The following ZNF385D variants were observed in gnomAD, a reference collection of about 807,000 sequenced individuals.
ZNF385D encodes zinc finger protein 385D, also known as zinc finger protein 659.
Under a neutral mutation model 35.8 loss-of-function variants are expected in ZNF385D, and 15 were observed. The observed-to-expected ratio is 0.42, with a 90% CI of 0.28 to 0.64. The LOEUF (loss-of-function observed/expected upper bound fraction) is 0.64, where lower values mean the gene tolerates loss of function less well. Ranked by LOEUF, ZNF385D falls within the 30% of genes least tolerant of loss-of-function variation. The pLI is 0.23. For synonymous variants in ZNF385D, 212 were observed against 186.8 expected, an observed-to-expected ratio of 1.13 and a Z score of -1.10; for missense variants, 474 against 494.6, an observed-to-expected ratio of 0.96 and a Z score of 0.39.
chr3:22,211,103 C>G (rs17011013), intron 2 of ZNF385D, among the ~76,000 whole-genome samples: 19,532 of 151,788 alleles, frequency 0.13, 1,327 homozygotes, highest in Middle Eastern at 0.18. Context: ...AGCTGAAGAA[C>G]TGATTTAAGT....
At chr3:22,003,142 G>T (rs929317480) in intron 3 of ZNF385D, among the ~76,000 whole-genome samples, 2 of 152,066 alleles carry the variant, frequency 1.3e-5, no homozygotes, top group Non-Finnish European at 2.9e-5. Flanking sequence ...GTCCTTCTTC[G>T]CAGATGACAT....
intron 2 of ZNF385D, among the ~76,000 whole-genome samples, chr3:22,274,673 A>G (rs932044626): frequency 6.6e-6 from 1 of 151,990 alleles, no homozygotes; most frequent in African/African-American, 2.4e-5. Context: ...AATTTTTTAA[A>G]AAAAAGAAGT....
At chr3:22,190,533 G>A (rs950666993) in intron 2 of ZNF385D, among the ~76,000 whole-genome samples, 3 of 152,144 alleles carry the variant, frequency 2.0e-5, no homozygotes, top group Non-Finnish European at 2.9e-5. Flanking sequence ...GCAGCCACAA[G>A]TTCATAAAGT....
intron 3 of ZNF385D, among the ~76,000 whole-genome samples, chr3:21,526,639 TAAC>T (rs1200208711): frequency 1.3e-5 from 2 of 152,174 alleles, no homozygotes; most frequent in Non-Finnish European, 2.9e-5. Context: ...GCTGCTGCTA[TAAC>T]AGATAGGAGG....
At chr3:21,805,162 G>C (rs1025978914) in intron 3 of ZNF385D, among the ~76,000 whole-genome samples, 2 of 152,166 alleles carry the variant, frequency 1.3e-5, no homozygotes, top group African/African-American at 4.8e-5. Context: ...TGAGAAAACA[G>C]TACTAGATGC....
In ZNF385D at chr3:21,680,037, C is replaced by T. The variant is rs181606082; in HGVS notation, c.23-15009G>A. 6.6e-5 allele frequency among the ~76,000 whole-genome samples: 10 copies of T among 152,084 alleles called. No homozygotes were observed. In the East Asian group the frequency reaches 7.7e-4, roughly 12 times the overall value. On this transcript the variant is annotated intron_variant, in intron 1 of 7. Coordinates refer to ENST00000281523, the MANE Select transcript of ZNF385D (RefSeq NM_024697.3). ...ATGATAGCTGACTTGGAATCTGGGA[C>T]GTAAATATTTAATATTATTTATGGT...
chr3:21,682,259 A>G (rs747618881), intron 1 of ZNF385D, among the ~76,000 whole-genome samples: 1 of 136,044 alleles, frequency 7.4e-6, no homozygotes, highest in Non-Finnish European at 1.7e-5. Context: ...TTGGCTAAGT[A>G]TGTTGAAAAT....
chr3:22,066,823 A>T (rs1246460113), intron 3 of ZNF385D, among the ~76,000 whole-genome samples: 1 of 152,146 alleles, frequency 6.6e-6, no homozygotes, highest in Non-Finnish European at 1.5e-5. Flanking sequence ...GCCACATGAA[A>T]AAGAAATTGA....
chr3:21,497,106 A>G (rs1019280257), intron 4 of ZNF385D, among the ~76,000 whole-genome samples: 4 of 152,182 alleles, frequency 2.6e-5, no homozygotes, highest in African/African-American at 9.7e-5. Flanking sequence ...GAAGAATTCA[A>G]ACTATCCCTA....
At chr3:21,555,532 A>C (rs553822261) in intron 3 of ZNF385D, among the ~76,000 whole-genome samples, 17 of 147,376 alleles carry the variant, frequency 1.2e-4, no homozygotes, top group African/African-American at 3.1e-4. Context: ...GTCCCTGCAA[A>C]GGACATGAAT....
At chr3:22,321,434 C>T (rs929850923) in intron 2 of ZNF385D, among the ~76,000 whole-genome samples, 1 of 151,914 alleles carries the variant, frequency 6.6e-6, no homozygotes, top group Non-Finnish European at 1.5e-5. Context: ...GGCGTGATCT[C>T]GGCTCACTGC....
chr3:21,854,307 A>T (rs1696584596), intron 3 of ZNF385D, among the ~76,000 whole-genome samples: 1 of 151,922 alleles, frequency 6.6e-6, no homozygotes, highest in South Asian at 2.1e-4. Flanking sequence ...ACCTCCACTT[A>T]TTTACATCCT....
intron 3 of ZNF385D, among the ~76,000 whole-genome samples, chr3:22,073,043 A>G (rs372794426): frequency 6.6e-6 from 1 of 151,942 alleles, no homozygotes; most frequent in Non-Finnish European, 1.5e-5. Flanking sequence ...AAACACCTCA[A>G]GTCACCATTA....
At chr3:22,010,923 C>T (rs145909915) in intron 3 of ZNF385D, among the ~76,000 whole-genome samples, 3 of 152,184 alleles carry the variant, frequency 2.0e-5, no homozygotes, top group Admixed American at 2.0e-4. Context: ...ACCACTCACC[C>T]TCATTGAAAA....
At chr3:22,225,733 TG>T (rs1467696199) in intron 2 of ZNF385D, among the ~76,000 whole-genome samples, 2 of 152,180 alleles carry the variant, frequency 1.3e-5, no homozygotes, top group Non-Finnish European at 2.9e-5. Context: ...CTTAAATTCT[TG>T]TCACAAGGTC....
At chr3:22,346,186 A>G (rs1695651730) in intron 2 of ZNF385D, among the ~76,000 whole-genome samples, 1 of 152,204 alleles carries the variant, frequency 6.6e-6, no homozygotes, top group African/African-American at 2.4e-5. Flanking sequence ...CTATAGAATG[A>G]CTTAATTTAT....
intron 3 of ZNF385D, among the ~76,000 whole-genome samples, chr3:21,933,841 T>A (rs1383889159): frequency 1.3e-5 from 2 of 152,162 alleles, no homozygotes; most frequent in Non-Finnish European, 2.9e-5. Context: ...TAAATTCTCT[T>A]AGGTTTTGTT....
At chr3:21,531,331 T>C (rs779776481) in intron 3 of ZNF385D, among the ~76,000 whole-genome samples, 1 of 152,172 alleles carries the variant, frequency 6.6e-6, no homozygotes, top group Non-Finnish European at 1.5e-5. Flanking sequence ...AACAGCCACA[T>C]TGGAAGACAG....
rs1575112853 is a variant in ZNF385D, at chr3:21,420,816, G to A, written c.*398C>T. The stretch of plus-strand genomic sequence containing the variant: ...TTTTTTTGTACGATTTTAATCTACA[G>A]AGTAAATTATTTTATATACATTGGA... On this transcript the variant is annotated 3_prime_UTR_variant, in exon 8 of 8. Transcript: ENST00000281523. The A allele has an allele frequency of 6.3e-6, 1 of 158,720 alleles. No homozygotes were observed. The highest frequency in any genetic ancestry group is 1.8e-4 in the East Asian group (1 of 5,406). The allele number at this position is 158,720 out of a possible 1,614,324, so 9.8% of individuals were successfully genotyped here.
Sources: allele counts gnomAD v4.1 joint callset (sites outside exome capture counted in the v4.1 genomes callset), GRCh38; gene constraint gnomAD v4.1.1; transcripts MANE v1.5; gene names NCBI Gene and HGNC (gene_info 2026-07-23, HGNC 2026-07-21).